The following RABGAP1L variants were observed in gnomAD, a reference collection of about 807,000 sequenced individuals.
RABGAP1L encodes rab GTPase-activating protein 1-like.
A neutral mutation model predicts 137.7 loss-of-function variants in RABGAP1L; 63 were observed. That is an observed-to-expected ratio of 0.46 (90% CI 0.37 to 0.56). RABGAP1L has a LOEUF of 0.56. RABGAP1L is among the 20% of genes least tolerant of loss of function. RABGAP1L has a pLI of 0.00. For missense variants in RABGAP1L, 1,095 were observed against 1,244.0 expected (o/e 0.88, Z 1.80); for synonymous variants, 431 against 433.7 (o/e 0.99, Z 0.08).
chr1:174,444,290 C>T (rs1654492873), intron 13 of RABGAP1L, among the ~76,000 whole-genome samples: 1 of 151,508 alleles, frequency 6.6e-6, no homozygotes, highest in African/African-American at 2.4e-5. Context: ...AATATTAATT[C>T]TTCCAATCCA....
intron 3 of RABGAP1L, among the ~76,000 whole-genome samples, chr1:174,222,475 C>G (rs936362660): frequency 6.6e-6 from 1 of 152,078 alleles, no homozygotes; most frequent in Non-Finnish European, 1.5e-5. Context: ...GTGTGGTTTA[C>G]CACATAAAGT....
At position 174,512,126 on chromosome 1, in the gene RABGAP1L, A is replaced by T. The variant is rs574570615; in HGVS notation, c.1710+117981A>T. On this transcript the variant is annotated intron_variant, in intron 13 of 25. Coordinates refer to ENST00000681986, the MANE Select transcript of RABGAP1L (RefSeq NM_001366446.1). The stretch of plus-strand genomic sequence containing the variant: ...GTCTCAAACTAGATGATTTTTAATG[A>T]ATAATAAACTGATCTTATTTCTAAC... 2.0e-5 allele frequency among the ~76,000 whole-genome samples: 3 copies of T among 152,362 alleles called. No individual in the cohort carries two copies. In the South Asian group the frequency reaches 6.2e-4, roughly 32 times the overall value.
At chr1:174,957,644 T>G in intron 20 of RABGAP1L, 95 bp downstream of exon 20, 1 of 1,150,818 alleles carries the variant, frequency 8.7e-7, no homozygotes, top group East Asian at 2.6e-5. Flanking sequence ...CTTGAACACC[T>G]GGCCTCAAGC....
At chr1:174,559,733 A>G (rs540478246) in intron 13 of RABGAP1L, among the ~76,000 whole-genome samples, 72 of 152,350 alleles carry the variant, frequency 4.7e-4, no homozygotes, top group African/African-American at 1.6e-3. Flanking sequence ...CAGGGTTAGT[A>G]AAGCCAAAAG....
intron 13 of RABGAP1L, among the ~76,000 whole-genome samples, chr1:174,413,440 C>A (rs149926727): frequency 2.0e-5 from 3 of 152,096 alleles, no homozygotes; most frequent in Admixed American, 2.0e-4. Context: ...TTCTTTCTGT[C>A]ATTTATGAGT....
intron 11 of RABGAP1L, among the ~76,000 whole-genome samples, chr1:174,305,468 T>A (rs764191273): frequency 5.9e-5 from 9 of 152,152 alleles, no homozygotes; most frequent in Non-Finnish European, 1.3e-4. Context: ...CCCTGCAACC[T>A]CTGCCTCCCG....
intron 10 of RABGAP1L, among the ~76,000 whole-genome samples, chr1:174,300,366 A>G (rs908604524): frequency 1.8e-4 from 27 of 151,842 alleles, no homozygotes; most frequent in African/African-American, 6.3e-4. Flanking sequence ...TCTCTACTAA[A>G]AATACAAAAT....
chr1:174,625,480 C>T (rs545077995), intron 13 of RABGAP1L, among the ~76,000 whole-genome samples: 112 of 152,230 alleles, frequency 7.4e-4, no homozygotes, highest in African/African-American at 2.6e-3. Context: ...GTTGCCCAGG[C>T]TGGAGTGCAG....
chr1:174,621,473 C>T (rs1672462542), intron 13 of RABGAP1L, among the ~76,000 whole-genome samples: 1 of 152,184 alleles, frequency 6.6e-6, no homozygotes, highest in Non-Finnish European at 1.5e-5. Context: ...GCTACAGTAA[C>T]CAAAACAGCA....
chr1:174,769,163 C>T (rs1174599026), intron 18 of RABGAP1L, among the ~76,000 whole-genome samples: 1 of 152,090 alleles, frequency 6.6e-6, no homozygotes, highest in Non-Finnish European at 1.5e-5. Flanking sequence ...AATTATTACT[C>T]AAATCAGTCT....
At chr1:174,414,497 CTAA>C (rs1469250484) in intron 13 of RABGAP1L, among the ~76,000 whole-genome samples, 2 of 152,046 alleles carry the variant, frequency 1.3e-5, no homozygotes, top group Admixed American at 1.3e-4. Flanking sequence ...TCCTACTATA[CTAA>C]TGAGAGAAAC....
chr1:174,371,484 T>A (rs1354492579), intron 12 of RABGAP1L, among the ~76,000 whole-genome samples: 1 of 152,150 alleles, frequency 6.6e-6, no homozygotes, highest in African/African-American at 2.4e-5. Context: ...AATTTCTCAT[T>A]TTACGCTGAT....
At chr1:174,438,551 G>T (rs1184367761) in intron 13 of RABGAP1L, among the ~76,000 whole-genome samples, 1 of 151,066 alleles carries the variant, frequency 6.6e-6, no homozygotes, top group Non-Finnish European at 1.5e-5. Context: ...AACCCCATCT[G>T]TACTAAAAAT....
At chr1:174,507,559 T>C (rs1220418390) in intron 13 of RABGAP1L, among the ~76,000 whole-genome samples, 1 of 152,122 alleles carries the variant, frequency 6.6e-6, no homozygotes, top group Non-Finnish European at 1.5e-5. Flanking sequence ...TTATTAGTGG[T>C]TTCAAAACTT....
At chr1:174,173,200 G>C (rs536733950) in intron 1 of RABGAP1L, among the ~76,000 whole-genome samples, 23 of 151,212 alleles carry the variant, frequency 1.5e-4, no homozygotes, top group Non-Finnish European at 1.0e-4. Context: ...GCATGGTCTC[G>C]GTTCACCGTA....
rs536088768 is a variant in RABGAP1L, at chr1:174,300,932, G to A, written c.1324-4054G>A. On this transcript the variant is annotated intron_variant, in intron 10 of 25. Transcript: ENST00000681986. ...ATGACAAGAAGGAACTCACCATAGT[G>A]ACACAGGATTTTTCTTGGTCACTTT... is the stretch of plus-strand genomic sequence containing the variant. 1.4e-4 allele frequency among the ~76,000 whole-genome samples: 21 copies of A among 152,310 alleles called. No individual in the cohort carries two copies. The South Asian group carries it at 4.4e-3, about 32-fold the overall frequency.
intron 18 of RABGAP1L, among the ~76,000 whole-genome samples, chr1:174,802,907 G>T (rs1270301238): frequency 6.6e-6 from 1 of 152,190 alleles, no homozygotes; most frequent in Non-Finnish European, 1.5e-5. Context: ...GAGGAATCCT[G>T]CCACATGCAG....
At chr1:174,442,673 T>A (rs2149235147) in intron 13 of RABGAP1L, among the ~76,000 whole-genome samples, 1 of 152,288 alleles carries the variant, frequency 6.6e-6, no homozygotes, top group Middle Eastern at 3.4e-3. Context: ...TGTGTAATGA[T>A]CAAATCAGGG....
At chr1:174,918,741 C>T (rs946189786) in intron 19 of RABGAP1L, among the ~76,000 whole-genome samples, 8 of 151,790 alleles carry the variant, frequency 5.3e-5, no homozygotes, top group Non-Finnish European at 8.8e-5. Context: ...TGTGCCACTG[C>T]GCTTCATCCT....
Sources: gnomAD v4.1 joint callset for allele counts (sites outside exome capture counted in the v4.1 genomes callset) on GRCh38, gnomAD v4.1.1 for gene constraint, MANE v1.5 for transcripts, NCBI Gene and HGNC (gene_info 2026-07-23, HGNC 2026-07-21) for gene names.